Variants in LRRC7 observed in about 807,000 individuals in gnomAD.
LRRC7 encodes the protein leucine-rich repeat-containing protein 7.
A neutral mutation model predicts 175.7 loss-of-function variants in LRRC7; 23 were observed. The ratio of observed to expected loss-of-function variants is 0.13; its 90% confidence interval spans 0.09 to 0.19. LRRC7 has a LOEUF of 0.19. Among genes scored for constraint, LRRC7 ranks in the 10% least tolerant of loss-of-function variants. The probability of loss-of-function intolerance (pLI) is 1.00; values close to 1 mark genes in which losing one functional copy is unlikely to be tolerated. For synonymous variants in LRRC7, 685 were observed against 680.9 expected (o/e 1.01, Z -0.09); for missense variants, 1,354 against 1,904.7 (o/e 0.71, Z 5.38).
rs967072286 is a variant in LRRC7, at chr1:70,125,305, G to A, written c.*3418G>A. 6.6e-6 allele frequency among the ~76,000 whole-genome samples: 1 copy of A among 152,184 alleles called. No homozygotes were observed. Among genetic ancestry groups the A allele is most frequent in the African/African-American group, 2.4e-5 (1 of 41,440 alleles). On this transcript the variant is annotated 3_prime_UTR_variant, in exon 27 of 27. Transcript: ENST00000651989. ...CCACAATTACTTTTGTTCCAACCTA[G>A]TACATAGATGTAAAACAATCTCAGT... is the stretch of plus-strand genomic sequence containing the variant.
intron 8 of LRRC7, among the ~76,000 whole-genome samples, chr1:69,944,159 C>A (rs1308794737): frequency 6.6e-6 from 1 of 152,078 alleles, no homozygotes; most frequent in Non-Finnish European, 1.5e-5. Context: ...CCTGGAACCA[C>A]CATTCTGCTT....
chr1:69,687,795 T>G (rs976631503), intron 2 of LRRC7, among the ~76,000 whole-genome samples: 16 of 152,192 alleles, frequency 1.1e-4, no homozygotes, highest in Admixed American at 2.6e-4. Flanking sequence ...TATAACTGAA[T>G]GTTACTCTTT....
At chr1:69,965,573 A>T (rs1042244341) in intron 8 of LRRC7, among the ~76,000 whole-genome samples, 15 of 152,136 alleles carry the variant, frequency 9.9e-5, no homozygotes, top group Admixed American at 2.6e-4. Flanking sequence ...AATATAAAAA[A>T]TTTTTTTCCA....
At chr1:69,729,009 A>T (rs952484206) in intron 2 of LRRC7, among the ~76,000 whole-genome samples, 3 of 152,176 alleles carry the variant, frequency 2.0e-5, no homozygotes, top group African/African-American at 7.2e-5. Flanking sequence ...ACATGGCAGC[A>T]GCAAGGGGAA....
At chr1:69,808,480 C>T (rs532388744) in intron 4 of LRRC7, among the ~76,000 whole-genome samples, 1 of 152,034 alleles carries the variant, frequency 6.6e-6, no homozygotes, top group Admixed American at 6.6e-5. Context: ...CACCACATTG[C>T]ACTTATTCTA....
chr1:69,808,285 G>C (rs1018564097), intron 4 of LRRC7, among the ~76,000 whole-genome samples: 1 of 151,608 alleles, frequency 6.6e-6, no homozygotes, highest in Admixed American at 6.6e-5. Flanking sequence ...CCTACACAGA[G>C]ACATAAGACA....
intron 14 of LRRC7, among the ~76,000 whole-genome samples, chr1:70,017,862 G>A (rs893850382): frequency 1.3e-5 from 2 of 151,970 alleles, no homozygotes; most frequent in Non-Finnish European, 2.9e-5. Flanking sequence ...CTATGCTAAT[G>A]TAATAGTATA....
chr1:69,817,169 A>G (rs1288816446), intron 4 of LRRC7, among the ~76,000 whole-genome samples: 2 of 152,000 alleles, frequency 1.3e-5, no homozygotes, highest in Non-Finnish European at 2.9e-5. Flanking sequence ...CAAAAAAACC[A>G]TTTCCAAGTC....
chr1:69,745,440 A>C (rs1268441), intron 2 of LRRC7, among the ~76,000 whole-genome samples: 1 of 151,710 alleles, frequency 6.6e-6, no homozygotes, highest in Non-Finnish European at 1.5e-5. Flanking sequence ...ATCAGGAAAG[A>C]TGTTCAAATC....
chr1:69,844,394 G>C (rs115527646), intron 7 of LRRC7, among the ~76,000 whole-genome samples: 1,808 of 152,178 alleles, frequency 0.012, 30 homozygotes, highest in African/African-American at 0.041. Flanking sequence ...ATTTGATGCT[G>C]TTTCTGTGAG....
At chr1:69,981,314 A>G (rs996154589) in intron 9 of LRRC7, among the ~76,000 whole-genome samples, 7 of 152,230 alleles carry the variant, frequency 4.6e-5, no homozygotes, top group Admixed American at 2.0e-4. Flanking sequence ...GACATTAAAA[A>G]TTACTTAAGA....
At chr1:69,663,508 T>C (rs959729431) in intron 1 of LRRC7, among the ~76,000 whole-genome samples, 3 of 152,084 alleles carry the variant, frequency 2.0e-5, no homozygotes, top group Non-Finnish European at 4.4e-5. Context: ...TATTTTTTAA[T>C]TGCACAATTA....
chr1:69,664,456 C>T (rs866573155), intron 1 of LRRC7, among the ~76,000 whole-genome samples: 1 of 152,186 alleles, frequency 6.6e-6, no homozygotes, highest in Non-Finnish European at 1.5e-5. Flanking sequence ...TTCTCCACAT[C>T]TCGCCAGCAT....
chr1:69,706,092 C>G (rs1489986173), intron 2 of LRRC7, among the ~76,000 whole-genome samples: 1 of 152,070 alleles, frequency 6.6e-6, no homozygotes, highest in Admixed American at 6.6e-5. Flanking sequence ...ATTTGTCTGG[C>G]TCTATATTCA....
chr1:69,887,023 C>T (rs1265404919), intron 7 of LRRC7, among the ~76,000 whole-genome samples: 15 of 151,316 alleles, frequency 9.9e-5, no homozygotes, highest in South Asian at 4.2e-4. Context: ...GTGGGTAACC[C>T]GACCTTTCTC....
intron 4 of LRRC7, among the ~76,000 whole-genome samples, chr1:69,807,629 C>A (rs1284783136): frequency 1.3e-5 from 2 of 152,118 alleles, no homozygotes; most frequent in Non-Finnish European, 2.9e-5. Context: ...TTGCCCCCGA[C>A]TCTCTTCTGG....
chr1:69,755,725 G>A (rs1178332857), intron 2 of LRRC7, among the ~76,000 whole-genome samples: 1 of 151,850 alleles, frequency 6.6e-6, no homozygotes, highest in South Asian at 2.1e-4. Flanking sequence ...ATTGAAAATA[G>A]GAAAACTGAC....
chr1:69,712,994 C>A (rs1325330644), intron 2 of LRRC7, among the ~76,000 whole-genome samples: 8 of 152,028 alleles, frequency 5.3e-5, no homozygotes, highest in Non-Finnish European at 5.9e-5. Flanking sequence ...GGCGAATCTC[C>A]CTGAACGTGG....
chr1:70,023,315 T>G lies in LRRC7; in HGVS notation c.1735T>G (p.Cys579Gly), dbSNP rs752211463. 6.2e-7 allele frequency: 1 copy of G among 1,613,318 alleles called. No homozygotes were observed. The highest frequency in any genetic ancestry group is 8.5e-7 in the Non-Finnish European group (1 of 1,179,484). The change falls in exon 17 of 27, where the codon TGT becomes GGT. Residue 579 changes from cysteine to glycine, a missense_variant. Transcript: ENST00000651989. ...TGGCCTCCAGCAGGAAAGGAGCATG[T>G]GTACTCCATTGCCAGTTGCAGCACA... ...ISGLQQERSM[C>G]TPLPVAAQST...
Sources: gnomAD v4.1 joint callset for allele counts (sites outside exome capture counted in the v4.1 genomes callset) on GRCh38, gnomAD v4.1.1 for gene constraint, MANE v1.5 for transcripts, NCBI Gene and HGNC (gene_info 2026-07-23, HGNC 2026-07-21) for gene names.